FAM193A: variants seen among roughly 807,000 people sequenced by gnomAD.
FAM193A encodes the protein protein FAM193A.
A neutral mutation model predicts 126.5 loss-of-function variants in FAM193A; 22 were observed. The ratio of observed to expected loss-of-function variants is 0.17; its 90% CI spans 0.12 to 0.25. FAM193A has a LOEUF of 0.25. Among genes scored for constraint, FAM193A ranks in the 10% least tolerant of loss-of-function variants. The pLI is 1.00. For synonymous variants in FAM193A, 761 were observed against 646.8 expected (o/e 1.18, Z -2.68); for missense variants, 1,675 against 1,672.8 (o/e 1.00, Z -0.02).
intron 1 of FAM193A, among the ~76,000 whole-genome samples, chr4:2,587,768 T>C (rs772461626): frequency 2.6e-5 from 4 of 151,982 alleles, no homozygotes; most frequent in Admixed American, 6.6e-5. Context: ...AGGAATTCAC[T>C]GAAAAGGAAG....
At chr4:2,691,007 A>G (rs1716314063) in intron 15 of FAM193A, 37 bp downstream of exon 15, 1 of 1,578,260 alleles carries the variant, frequency 6.3e-7, no homozygotes, top group South Asian at 1.2e-5. Context: ...CGGGGTCTGC[A>G]GGAAGGCTGG....
chr4:2,581,214 C>T (rs561566355), intron 1 of FAM193A, among the ~76,000 whole-genome samples: 4 of 145,492 alleles, frequency 2.7e-5, no homozygotes, highest in Admixed American at 6.8e-5. Context: ...AGGTTTTGTT[C>T]TGATACCATA....
intron 2 of FAM193A, among the ~76,000 whole-genome samples, chr4:2,603,276 G>T (rs1226408398): frequency 2.4e-5 from 2 of 84,034 alleles, no homozygotes; most frequent in South Asian, 9.3e-4. Flanking sequence ...GAGCCACCGC[G>T]CCTGGCTTTT....
At chr4:2,577,342 T>C (rs1024547109) in intron 1 of FAM193A, among the ~76,000 whole-genome samples, 7 of 152,088 alleles carry the variant, frequency 4.6e-5, no homozygotes, top group African/African-American at 1.7e-4. Flanking sequence ...AATTTCTTTG[T>C]CGTCATTGGT....
Position 2,693,639 on chromosome 4 carries a change from G to T in FAM193A, c.2857G>T (p.Ala953Ser). ...KEDHRHSAPA[A>S]PRNSPTGLAP... The stretch of plus-strand genomic sequence containing the variant: ...GGACCACAGACACTCGGCCCCAGCC[G>T]CCCCGAGGAATAGCCCCACGGGCTT... The change falls in exon 16 of 21, where the codon GCC (alanine) becomes TCC (serine). Residue 953 changes from alanine to serine, a missense_variant. Coordinates refer to ENST00000637812, the MANE Select transcript of FAM193A (RefSeq NM_001366318.2). The T allele has an allele frequency of 6.2e-7, 1 of 1,614,068 alleles. No homozygotes were observed. Among genetic ancestry groups the T allele is most frequent in the Non-Finnish European group, 8.5e-7 (1 of 1,180,002 alleles).
chr4:2,634,382 G>T (rs972145710), intron 5 of FAM193A, among the ~76,000 whole-genome samples: 7 of 152,046 alleles, frequency 4.6e-5, no homozygotes, highest in Non-Finnish European at 8.8e-5. Flanking sequence ...CAGAGAATTC[G>T]AATAGATAAA....
At chr4:2,689,096 G>A (rs1287081844) in intron 13 of FAM193A, among the ~76,000 whole-genome samples, 1 of 152,242 alleles carries the variant, frequency 6.6e-6, no homozygotes, top group Non-Finnish European at 1.5e-5. Flanking sequence ...GTCAGTGTAA[G>A]GGTTTTATCC....
In FAM193A at chr4:2,659,589, A is replaced by C. The variant is rs181875088; in HGVS notation, c.1421A>C (p.Asn474Thr). 1 of 1,614,188 alleles carries C rather than the reference A, an allele frequency of 6.2e-7. No homozygotes were observed. The highest frequency in any genetic ancestry group is 2.2e-5 in the East Asian group (1 of 44,884). ...LTNKKAVTGE[N>T]NFTDTMRHML... ...AATAAGAAAGCAGTTACTGGCGAGA[A>C]CAACTTCACAGACACCATGAGGCAC... The change falls in exon 9 of 21, where the codon AAC becomes ACC. Residue 474 changes from asparagine to threonine, a missense_variant. By Grantham distance (65) the Asn-to-Thr change is moderately conservative. Coordinates refer to ENST00000637812, the MANE Select transcript of FAM193A (RefSeq NM_001366318.2).
At chr4:2,582,896 T>A (rs1740032832) in intron 1 of FAM193A, among the ~76,000 whole-genome samples, 1 of 152,218 alleles carries the variant, frequency 6.6e-6, no homozygotes, top group African/African-American at 2.4e-5. Flanking sequence ...GGCTGTTGTT[T>A]GAAGCTTTTT....
chr4:2,700,657 C>A, intron 19 of FAM193A, 113 bp downstream of exon 19: 2 of 1,357,880 alleles, frequency 1.5e-6, no homozygotes, highest in Non-Finnish European at 2.0e-6. Flanking sequence ...TGGCCTCCCT[C>A]CTGTAGAAAA....
chr4:2,692,514 C>T (rs1716517555), intron 15 of FAM193A, among the ~76,000 whole-genome samples: 1 of 152,202 alleles, frequency 6.6e-6, no homozygotes, highest in Admixed American at 6.5e-5. Context: ...CAGTGCCATG[C>T]ACACCACCAT....
At position 2,699,956 on chromosome 4, in the gene FAM193A, G is replaced by C. The variant is rs765290371; in HGVS notation, c.3784G>C (p.Gly1262Arg). ...TCCTAACTCTGGAAACATCCACAAT[G>C]GCTCACTAGAGCAAACTGAAGAACC... ...SVPNSGNIHN[G>R]SLEQTEEPET... The change falls in exon 19 of 21, where the codon GGC becomes CGC. Residue 1262 changes from glycine to arginine, a missense_variant. By Grantham distance (125) the Gly-to-Arg change is moderately radical (BLOSUM62 -2). Coordinates refer to ENST00000637812, the MANE Select transcript of FAM193A (RefSeq NM_001366318.2). 2 of 1,613,858 alleles carry C rather than the reference G, an allele frequency of 1.2e-6. No homozygotes were observed. Among genetic ancestry groups the C allele is most frequent in the Non-Finnish European group, 1.7e-6 (2 of 1,180,000 alleles).
chr4:2,582,718 T>A (rs1238479264), intron 1 of FAM193A, among the ~76,000 whole-genome samples: 1 of 152,190 alleles, frequency 6.6e-6, no homozygotes, highest in Non-Finnish European at 1.5e-5. Context: ...TATTATTTGC[T>A]GTGTGTTATG....
chr4:2,666,593 T>A (rs1388941247), intron 12 of FAM193A, among the ~76,000 whole-genome samples: 1 of 152,190 alleles, frequency 6.6e-6, no homozygotes, highest in African/African-American at 2.4e-5. Context: ...AGATTGAGAT[T>A]TATTAAATAT....
intron 1 of FAM193A, among the ~76,000 whole-genome samples, chr4:2,557,162 C>T (rs1738309107): frequency 6.6e-6 from 1 of 152,076 alleles, no homozygotes; most frequent in Non-Finnish European, 1.5e-5. Flanking sequence ...AGTAATAGGA[C>T]AATTATCACA....
chr4:2,601,622 G>A (rs1741201714), intron 2 of FAM193A, among the ~76,000 whole-genome samples: 1 of 151,128 alleles, frequency 6.6e-6, no homozygotes, highest in African/African-American at 2.4e-5. Flanking sequence ...CAGCACAGTG[G>A]ATCACACCTG....
chr4:2,700,696 C>T, intron 19 of FAM193A, 152 bp downstream of exon 19: 4 of 945,856 alleles, frequency 4.2e-6, no homozygotes, highest in East Asian at 2.6e-5. Context: ...CATGGTGGCT[C>T]ACACCTGTAA....
chr4:2,631,808 A>C (rs1033706845), intron 5 of FAM193A, among the ~76,000 whole-genome samples: 2 of 152,176 alleles, frequency 1.3e-5, no homozygotes, highest in African/African-American at 4.8e-5. Context: ...GGAGCATGGT[A>C]TAGAAATATG....
chr4:2,726,047 C>T (rs544163204), intron 20 of FAM193A, among the ~76,000 whole-genome samples: 90 of 152,228 alleles, frequency 5.9e-4, no homozygotes, highest in African/African-American at 1.9e-3. Flanking sequence ...TACAGGCGCC[C>T]GCCACCACGC....
Sources: allele counts gnomAD v4.1 joint callset (sites outside exome capture counted in the v4.1 genomes callset), GRCh38; gene constraint gnomAD v4.1.1; transcripts MANE v1.5; gene names NCBI Gene and HGNC (gene_info 2026-07-23, HGNC 2026-07-21).